The following CDH13 variants were observed in gnomAD, a reference collection of about 807,000 sequenced individuals.
CDH13 encodes the protein cadherin 13, also known as cadherin-13.
A neutral mutation model predicts 63.8 loss-of-function variants in CDH13; 24 were observed. The observed-to-expected ratio is 0.38, with a 90% CI of 0.27 to 0.53. The LOEUF (loss-of-function observed/expected upper bound fraction) is 0.53. Among genes scored for constraint, CDH13 ranks in the 20% least tolerant of loss-of-function variants. The pLI, the probability that CDH13 is intolerant of heterozygous loss-of-function variation, is 0.85. For synonymous variants in CDH13, 503 were observed against 355.3 expected (o/e 1.42, Z -4.67); for missense variants, 1,049 against 903.1 (o/e 1.16, Z -2.07).
At chr16:83,203,901 A>G (rs7200869) in intron 4 of CDH13, among the ~76,000 whole-genome samples, 135,468 of 152,148 alleles carry the variant, frequency 0.89, 61,935 homozygotes, top group East Asian at 1. Flanking sequence ...GAATGCACAC[A>G]AAACCCTTCA....
intron 10 of CDH13, among the ~76,000 whole-genome samples, chr16:83,743,553 T>C (rs74034804): frequency 0.01 from 1,597 of 152,306 alleles, 31 homozygotes; most frequent in African/African-American, 0.037. Context: ...TCAAAGAGCA[T>C]TGCTTGTACG....
chr16:83,107,613 C>G (rs913540556), intron 3 of CDH13, among the ~76,000 whole-genome samples: 1 of 152,034 alleles, frequency 6.6e-6, no homozygotes, highest in Admixed American at 6.5e-5. Context: ...CTCTTCAGTG[C>G]AATGAGCATT....
chr16:83,677,562 C>A (rs1915062785), intron 9 of CDH13, among the ~76,000 whole-genome samples: 2 of 152,172 alleles, frequency 1.3e-5, no homozygotes, highest in Non-Finnish European at 2.9e-5. Flanking sequence ...ACTTTCAAAT[C>A]CTTTTCCCTA....
intron 3 of CDH13, among the ~76,000 whole-genome samples, chr16:83,089,677 A>G (rs2033798500): frequency 6.6e-6 from 1 of 152,024 alleles, no homozygotes; most frequent in African/African-American, 2.4e-5. Context: ...GAGGGATGTA[A>G]TGAATTCGAG....
chr16:83,767,974 A>G (rs940686176), intron 11 of CDH13, among the ~76,000 whole-genome samples: 1 of 152,226 alleles, frequency 6.6e-6, no homozygotes, highest in Non-Finnish European at 1.5e-5. Flanking sequence ...TCGCAAAAAT[A>G]AAGAGTAAGA....
intron 6 of CDH13, among the ~76,000 whole-genome samples, chr16:83,386,009 C>T (rs1020587237): frequency 3.9e-5 from 6 of 152,314 alleles, no homozygotes; most frequent in African/African-American, 1.4e-4. Context: ...CCATTTGTAG[C>T]TATGGGTGCT....
intron 5 of CDH13, among the ~76,000 whole-genome samples, chr16:83,228,790 G>T (rs181315924): frequency 6.6e-6 from 1 of 152,144 alleles, no homozygotes; most frequent in Admixed American, 6.5e-5. Context: ...ATACTCCTGC[G>T]GCGAAAGGGA....
At chr16:83,531,910 A>G (rs991978317) in intron 7 of CDH13, among the ~76,000 whole-genome samples, 2 of 152,164 alleles carry the variant, frequency 1.3e-5, no homozygotes, top group South Asian at 4.2e-4. Context: ...AAGCTCTGAT[A>G]TGGTTTAGCT....
chr16:83,290,448 T>C (rs2089439141), intron 5 of CDH13, among the ~76,000 whole-genome samples: 1 of 152,162 alleles, frequency 6.6e-6, no homozygotes, highest in African/African-American at 2.4e-5. Flanking sequence ...GATGGTTTTA[T>C]AAGGGGAGTT....
chr16:83,396,862 AT>A (rs1174465763), intron 6 of CDH13: 1 of 152,160 alleles, frequency 6.6e-6, no homozygotes, highest in East Asian at 1.9e-4. Context: ...AGCATTTTTC[AT>A]GGTTTCACAT....
intron 1 of CDH13, among the ~76,000 whole-genome samples, chr16:82,831,030 C>G (rs542660336): frequency 1.3e-5 from 2 of 152,110 alleles, no homozygotes; most frequent in Non-Finnish European, 2.9e-5. Context: ...TGCTTGCTCT[C>G]CTTTATTCTC....
In CDH13 at chr16:83,413,181, A is replaced by G. The variant is rs761926139; in HGVS notation, c.781+68175A>G. On this transcript the variant is annotated intron_variant, in intron 6 of 13. Coordinates refer to ENST00000567109, the MANE Select transcript of CDH13 (RefSeq NM_001257.5). The stretch of plus-strand genomic sequence containing the variant: ...CTCAAATGCAAAGGCACGGTGATGC[A>G]GTGAAGATTGGTTTCTGTTTTGTCT... Among the ~76,000 whole-genome samples, 9 of 152,220 alleles carry G rather than the reference A, an allele frequency of 5.9e-5. No individual in the cohort carries two copies. In the East Asian group the frequency reaches 1.3e-3, roughly 23 times the overall value.
At chr16:82,811,182 G>C (rs952393682) in intron 1 of CDH13, among the ~76,000 whole-genome samples, 1 of 152,122 alleles carries the variant, frequency 6.6e-6, no homozygotes, top group African/African-American at 2.4e-5. Context: ...AGCTGATTAC[G>C]CGAATTTCTT....
At chr16:83,540,611 A>C (rs754154905) in intron 7 of CDH13, among the ~76,000 whole-genome samples, 1 of 152,178 alleles carries the variant, frequency 6.6e-6, no homozygotes, top group Non-Finnish European at 1.5e-5. Flanking sequence ...CCCTTTGTTC[A>C]GTCTCGTAAT....
intron 4 of CDH13, among the ~76,000 whole-genome samples, chr16:83,162,699 C>A (rs1044943503): frequency 2.0e-5 from 3 of 152,036 alleles, no homozygotes; most frequent in African/African-American, 7.2e-5. Context: ...ACACCACTAC[C>A]ACTACCACCA....
At chr16:83,124,956 C>G (rs1567853846) in intron 3 of CDH13, among the ~76,000 whole-genome samples, 1 of 152,172 alleles carries the variant, frequency 6.6e-6, no homozygotes, top group Non-Finnish European at 1.5e-5. Flanking sequence ...CAATATGATG[C>G]ATCTAACTTA....
chr16:83,130,372 A>G (rs2035993934), intron 4 of CDH13, among the ~76,000 whole-genome samples: 1 of 152,208 alleles, frequency 6.6e-6, no homozygotes, highest in South Asian at 2.1e-4. Flanking sequence ...TGTGCTCTTA[A>G]CCAGTATCCT....
At chr16:83,333,121 G>C (rs1034734896) in intron 5 of CDH13, among the ~76,000 whole-genome samples, 1 of 152,218 alleles carries the variant, frequency 6.6e-6, no homozygotes, top group Non-Finnish European at 1.5e-5. Flanking sequence ...AAATGAAGGT[G>C]GAGGAATGTT....
At chr16:82,700,027 C>T (rs1364250780) in intron 1 of CDH13, among the ~76,000 whole-genome samples, 1 of 152,090 alleles carries the variant, frequency 6.6e-6, no homozygotes, top group Non-Finnish European at 1.5e-5. Context: ...TCTAGAAGTT[C>T]GCCTGTTACA....
Sources: allele counts gnomAD v4.1 joint callset (sites outside exome capture counted in the v4.1 genomes callset), GRCh38; gene constraint gnomAD v4.1.1; transcripts MANE v1.5; gene names NCBI Gene and HGNC (gene_info 2026-07-23, HGNC 2026-07-21).